The following CSMD3 variants were observed in gnomAD, a reference collection of about 807,000 sequenced individuals.
The protein encoded by CSMD3 is CUB and Sushi multiple domains 3.
Under a neutral mutation model 435.2 loss-of-function variants are expected in CSMD3, and 177 were observed. That is an observed-to-expected ratio of 0.41 (90% CI 0.36 to 0.46). The LOEUF (loss-of-function observed/expected upper bound fraction) is 0.46, where lower values mean the gene tolerates loss of function less well. CSMD3 is among the 20% of genes least tolerant of loss of function. The pLI is 0.34. For synonymous variants in CSMD3, 1,656 were observed against 1,520.5 expected (o/e 1.09, Z -2.07); for missense variants, 4,265 against 4,504.6 (o/e 0.95, Z 1.52).
chr8:112,463,973 A>G (rs1305156349), intron 32 of CSMD3, among the ~76,000 whole-genome samples: 5 of 152,158 alleles, frequency 3.3e-5, no homozygotes, highest in Non-Finnish European at 7.3e-5. Context: ...GAGGTGGCTC[A>G]TGCCTGTAAT....
intron 61 of CSMD3, 144 bp from the exon 62 acceptor site, chr8:112,255,571 T>C (rs1161834181): frequency 4.1e-6 from 3 of 733,562 alleles, no homozygotes; most frequent in East Asian, 2.7e-5. Flanking sequence ...AAAAAATTTA[T>C]TTTTTAGCTT....
intron 5 of CSMD3, among the ~76,000 whole-genome samples, chr8:113,030,385 A>C (rs1160271337): frequency 6.9e-6 from 1 of 144,580 alleles, no homozygotes; most frequent in Non-Finnish European, 1.5e-5. Context: ...CTACAGTATA[A>C]GGCCATAGTC....
At chr8:112,617,309 G>T (rs557318947) in intron 22 of CSMD3, among the ~76,000 whole-genome samples, 2 of 152,206 alleles carry the variant, frequency 1.3e-5, no homozygotes, top group South Asian at 4.1e-4. Context: ...TCTTATTTGG[G>T]CAAAATATTG....
At chr8:112,442,777 A>G (rs1815173615) in intron 32 of CSMD3, among the ~76,000 whole-genome samples, 1 of 152,170 alleles carries the variant, frequency 6.6e-6, no homozygotes, top group Admixed American at 6.5e-5. Context: ...TCTTAAAAGA[A>G]AAGGACTTTA....
In CSMD3 at chr8:112,975,929, G is replaced by A. The variant is rs1248207448; in HGVS notation, c.1250C>T (p.Pro417Leu). The A allele has an allele frequency of 6.2e-7, 1 of 1,614,032 alleles. No individual in the cohort carries two copies. The highest frequency in any genetic ancestry group is 2.2e-5 in the East Asian group (1 of 44,870). Reference sequence around the variant, plus strand: ...GGTACTTTGTGTATCTGCTGGATGAGGAGAGAGCCCGTCCTTGGACGTGTT... The same window carrying A: ...GGTACTTTGTGTATCTGCTGGATGAAGAGAGAGCCCGTCCTTGGACGTGTT... ...DPNTSKDGLS[P>L]HPADTQSTRR... The change falls in exon 7 of 71, where the codon CCT (proline) becomes CTT (leucine). Residue 417 changes from proline (P) to leucine (L), a missense_variant. Pro to Leu is a moderately conservative substitution (Grantham distance 98). Around this residue, in one of 3 missense-constraint regions of CSMD3, gnomAD observed 731 missense variants for 755.4 expected, o/e 0.97. Coordinates refer to ENST00000297405, the MANE Select transcript of CSMD3 (RefSeq NM_198123.2).
rs556512667 is a variant in CSMD3, at chr8:112,622,169, T to C, written c.3715+14648A>G. On this transcript the variant is annotated intron_variant, in intron 22 of 70. Transcript: ENST00000297405. Reference sequence around the variant, plus strand: ...ATTAGGGAATACCCGTTTCTGCATATAACTTAAACAAATTAAGGAGTATGT... The same window carrying C: ...ATTAGGGAATACCCGTTTCTGCATACAACTTAAACAAATTAAGGAGTATGT... Among the ~76,000 whole-genome samples the C allele has an allele frequency of 3.3e-5, 5 of 152,314 alleles. No individual in the cohort carries two copies. In the East Asian group the frequency reaches 9.7e-4, roughly 29 times the overall value.
At chr8:112,410,575 T>TACAATTC (rs1832255732) in intron 32 of CSMD3, among the ~76,000 whole-genome samples, 3 of 140,186 alleles carry the variant, frequency 2.1e-5, no homozygotes, top group Non-Finnish European at 4.6e-5. Flanking sequence ...TTGTACTATG[T>TACAATTC]ATATACATAC....
intron 23 of CSMD3, among the ~76,000 whole-genome samples, chr8:112,585,034 T>G (rs946750651): frequency 2.0e-5 from 3 of 151,592 alleles, no homozygotes; most frequent in Non-Finnish European, 4.4e-5. Flanking sequence ...CAGCTAATGG[T>G]TTCTCGTTGG....
intron 30 of CSMD3, 102 bp downstream of exon 30, chr8:112,503,688 C>A: frequency 1.3e-6 from 1 of 747,176 alleles, no homozygotes; most frequent in Non-Finnish European, 2.2e-6. Flanking sequence ...TTTAAAAATA[C>A]ACATAAAACT....
chr8:113,044,579 C>T (rs1200492732), intron 5 of CSMD3, among the ~76,000 whole-genome samples: 1 of 148,788 alleles, frequency 6.7e-6, no homozygotes, highest in African/African-American at 2.4e-5. Flanking sequence ...TTAGTCATTT[C>T]CTTAAAATTT....
chr8:112,569,748 A>T (rs1471528085), intron 24 of CSMD3, among the ~76,000 whole-genome samples: 1 of 152,188 alleles, frequency 6.6e-6, no homozygotes, highest in African/African-American at 2.4e-5. Context: ...GATACGTGGG[A>T]TTAATCTGAA....
intron 11 of CSMD3, among the ~76,000 whole-genome samples, chr8:112,849,452 T>G (rs2080422809): frequency 6.6e-6 from 1 of 152,026 alleles, no homozygotes; most frequent in Non-Finnish European, 1.5e-5. Context: ...TTTACTATAA[T>G]TTACATGTTT....
rs558370257 is a variant in CSMD3, at chr8:112,981,454, G to A, written c.1031-5306C>T. 7.3e-5 allele frequency among the ~76,000 whole-genome samples: 11 copies of A among 151,526 alleles called. No homozygotes were observed. The East Asian group carries it at 1.5e-3, about 21-fold the overall frequency. ...GACATATTGATATGTTTATTTTTAT[G>A]TTATATATTTTGTTAAAGTTTATAA... On this transcript the variant is annotated intron_variant, in intron 6 of 70. Coordinates refer to ENST00000297405, the MANE Select transcript of CSMD3 (RefSeq NM_198123.2).
At chr8:112,901,872 G>T (rs117830822) in intron 10 of CSMD3, among the ~76,000 whole-genome samples, 1 of 151,274 alleles carries the variant, frequency 6.6e-6, no homozygotes, top group African/African-American at 2.4e-5. Flanking sequence ...GATGGGGTTC[G>T]GGTAAAGTTC....
chr8:112,488,466 T>A (rs1321336408), intron 31 of CSMD3, among the ~76,000 whole-genome samples: 1 of 152,104 alleles, frequency 6.6e-6, no homozygotes, highest in Non-Finnish European at 1.5e-5. Flanking sequence ...GCTTCTACAC[T>A]AAAAAAATAA....
chr8:112,356,377 G>A (rs1044896790), intron 38 of CSMD3, among the ~76,000 whole-genome samples: 1 of 152,120 alleles, frequency 6.6e-6, no homozygotes, highest in African/African-American at 2.4e-5. Context: ...ACAGCTGGAG[G>A]CCATTATCTG....
At chr8:112,529,712 T>C (rs1252774795) in intron 27 of CSMD3, among the ~76,000 whole-genome samples, 1 of 151,830 alleles carries the variant, frequency 6.6e-6, no homozygotes, top group Non-Finnish European at 1.5e-5. Context: ...ACAAGCAGAG[T>C]CTGGGAAGAC....
At chr8:112,979,930 G>A (rs186066703) in intron 6 of CSMD3, among the ~76,000 whole-genome samples, 2 of 150,810 alleles carry the variant, frequency 1.3e-5, no homozygotes, top group Non-Finnish European at 3.0e-5. Context: ...AAATAAAAAT[G>A]ATTTACATAT....
chr8:112,517,159 C>T lies in CSMD3; in HGVS notation c.4631G>A (p.Arg1544Lys), dbSNP rs1823757161. Reference protein sequence around the residue: ...PMNGTRNGDGREPGDTVVFQC... With the variant: ...PMNGTRNGDGKEPGDTVVFQC... ...AAAAACAACAGTGTCCCCAGGTTCT[C>T]TTCCATCCCCATTTCGAGTCCCATT... is the stretch of plus-strand genomic sequence containing the variant. The change falls in exon 28 of 71, where the codon AGA becomes AAA. Residue 1544 changes from arginine to lysine, a missense_variant. Coordinates refer to ENST00000297405, the MANE Select transcript of CSMD3 (RefSeq NM_198123.2). 1 of 1,613,828 alleles carries T rather than the reference C, an allele frequency of 6.2e-7. No homozygotes were observed. The highest frequency in any genetic ancestry group is 8.5e-7 in the Non-Finnish European group (1 of 1,179,880).
Sources: gnomAD v4.1 joint callset for allele counts (sites outside exome capture counted in the v4.1 genomes callset) on GRCh38, gnomAD v4.1.1 for gene constraint, gnomAD v4.1.1 regional missense constraint, MANE v1.5 for transcripts, NCBI Gene and HGNC (gene_info 2026-07-23, HGNC 2026-07-21) for gene names.